Variants in ACACA observed in about 807,000 individuals in gnomAD.
ACACA encodes acetyl-CoA carboxylase alpha.
In ACACA, 103 loss-of-function variants were observed where a neutral mutation model predicts 296.1. The ratio of observed to expected loss-of-function variants is 0.35; its 90% confidence interval spans 0.30 to 0.41. The LOEUF is 0.41. Among genes scored for constraint, ACACA ranks in the 10% least tolerant of loss-of-function variants. The pLI is 1.00. For synonymous variants in ACACA, 953 were observed against 1,038.6 expected (o/e 0.92, Z 1.58); for missense variants, 1,554 against 2,989.7 (o/e 0.52, Z 11.20).
intron 1 of ACACA, among the ~76,000 whole-genome samples, chr17:37,403,999 C>G (rs1414570057): frequency 6.6e-6 from 1 of 152,186 alleles, no homozygotes; most frequent in Non-Finnish European, 1.5e-5. Context: ...TCTTGAACTA[C>G]TGGCCTCAAA....
chr17:37,192,241 C>T lies in ACACA; in HGVS notation c.4265G>A (p.Arg1422Gln), dbSNP rs561797701. 7 of 1,614,018 alleles carry T rather than the reference C, an allele frequency of 4.3e-6. No homozygotes were observed. Among genetic ancestry groups the T allele is most frequent in the South Asian group, 1.1e-5 (1 of 91,076 alleles). Residue 1422 changes from arginine to glutamine, a missense_variant, in exon 37 of 56, where the codon CGG becomes CAG. By Grantham distance (43) the Arg-to-Gln change is conservative. Coordinates refer to ENST00000616317, the MANE Select transcript of ACACA (RefSeq NM_198834.3). ...GGCAGTGAGGTCAAAATTTCTCATC[C>T]GGTTCAGCTCTAACTGGAAAGCCAG... ...PALAFQLELN[R>Q]MRNFDLTAIP... is the part of the protein sequence containing the mutation.
chr17:37,284,584 A>G (rs931495196), intron 4 of ACACA, among the ~76,000 whole-genome samples: 4 of 152,208 alleles, frequency 2.6e-5, no homozygotes, highest in Non-Finnish European at 4.4e-5. Flanking sequence ...CTGGGACTCA[A>G]AAATAACTTT....
chr17:37,273,970 T>C (rs1598376409), intron 9 of ACACA, among the ~76,000 whole-genome samples: 1 of 152,250 alleles, frequency 6.6e-6, no homozygotes, highest in South Asian at 2.1e-4. Flanking sequence ...GAATTTAGAT[T>C]GTTTACATTT....
chr17:37,162,739 C>A, intron 41 of ACACA: 2 of 214,086 alleles, frequency 9.3e-6, no homozygotes, highest in South Asian at 6.3e-5. Context: ...ATTGTCAAGT[C>A]CCGTCTCTGG....
chr17:37,375,487 A>G (rs1198978367), intron 1 of ACACA, among the ~76,000 whole-genome samples: 1 of 149,226 alleles, frequency 6.7e-6, no homozygotes, highest in Non-Finnish European at 1.5e-5. Context: ...ACTCTGCCTC[A>G]AAAAAAAAAG....
chr17:37,181,734 C>A (rs1439289657), intron 39 of ACACA, among the ~76,000 whole-genome samples: 1 of 151,590 alleles, frequency 6.6e-6, no homozygotes, highest in African/African-American at 2.4e-5. Context: ...CTTGTCTCTA[C>A]TGAAAATACA....
chr17:37,259,627 G>A (rs2081356819), intron 11 of ACACA, 97 bp from the exon 12 acceptor site: 1 of 1,366,968 alleles, frequency 7.3e-7, no homozygotes, highest in African/African-American at 1.4e-5. Context: ...GTGTGTATAA[G>A]AGCCATCAAA....
chr17:37,105,975 A>G (rs558284983), intron 52 of ACACA, among the ~76,000 whole-genome samples: 2 of 152,262 alleles, frequency 1.3e-5, no homozygotes, highest in Admixed American at 1.3e-4. Context: ...GCTCCTGAAT[A>G]TCTCAGATGT....
chr17:37,220,995 C>T (rs2079260716), intron 29 of ACACA, among the ~76,000 whole-genome samples: 1 of 152,138 alleles, frequency 6.6e-6, no homozygotes, highest in African/African-American at 2.4e-5. Context: ...AATGAAAGTA[C>T]AGGAGGGGAT....
intron 1 of ACACA, among the ~76,000 whole-genome samples, chr17:37,398,989 T>A (rs1190454774): frequency 1.3e-5 from 2 of 151,146 alleles, no homozygotes; most frequent in East Asian, 3.9e-4. Flanking sequence ...TAAATTCTTT[T>A]TTTTTTTTAG....
chr17:37,251,830 A>T (rs1374725410), intron 16 of ACACA, among the ~76,000 whole-genome samples, 175 bp downstream of exon 16: 3 of 146,574 alleles, frequency 2.0e-5, no homozygotes, highest in Admixed American at 6.8e-5. Flanking sequence ...TGACTCCCCA[A>T]ATAATTTGCC....
intron 41 of ACACA, among the ~76,000 whole-genome samples, chr17:37,173,675 A>T (rs4795175): frequency 0.13 from 19,644 of 151,832 alleles, 1,913 homozygotes; most frequent in East Asian, 0.45. Flanking sequence ...TACATTGCCA[A>T]CAATTAAAAC....
At chr17:37,240,077 G>C (rs2080315210) in intron 24 of ACACA, among the ~76,000 whole-genome samples, 1 of 152,188 alleles carries the variant, frequency 6.6e-6, no homozygotes, top group Admixed American at 6.6e-5. Flanking sequence ...GCTCTTCCTA[G>C]ATGCCTCTGG....
At position 37,181,059 on chromosome 17, in the gene ACACA, C is replaced by T. The variant is rs2077299404; in HGVS notation, c.4932+142G>A. The T allele has an allele frequency of 8.8e-6, 8 of 911,570 alleles. No homozygotes were observed. In the South Asian group the frequency reaches 1.1e-4, roughly 13 times the overall value. The allele number at this position is 911,570 out of a possible 1,614,324, so 56.5% of individuals were successfully genotyped here. On this transcript the variant is annotated intron_variant, in intron 40 of 55. Transcript: ENST00000616317. ...ATCTGAGTTGGCAGTCACCAATCCT[C>T]AAATGAAATAGAAATGAAAACAGTG...
intron 23 of ACACA, among the ~76,000 whole-genome samples, chr17:37,241,471 G>A (rs553715989): frequency 3.3e-5 from 5 of 152,234 alleles, no homozygotes; most frequent in African/African-American, 1.2e-4. Context: ...TTGGGAGGCC[G>A]AGGCGGGTGG....
intron 16 of ACACA, among the ~76,000 whole-genome samples, chr17:37,249,049 T>C (rs2080855842): frequency 6.6e-6 from 1 of 152,224 alleles, no homozygotes; most frequent in Non-Finnish European, 1.5e-5. Context: ...ACCGTCATTC[T>C]ACTTTCTAGT....
At chr17:37,146,302 T>A (rs2075803664) in intron 45 of ACACA, among the ~76,000 whole-genome samples, 2 of 151,968 alleles carry the variant, frequency 1.3e-5, no homozygotes, top group Non-Finnish European at 2.9e-5. Context: ...AAGTTGAAAA[T>A]GCATGTCTCT....
chr17:37,257,384 C>T (rs1261735763), intron 14 of ACACA, among the ~76,000 whole-genome samples: 2 of 152,048 alleles, frequency 1.3e-5, no homozygotes, highest in East Asian at 3.8e-4. Context: ...AAGAATCTAC[C>T]TCCCCTCAAT....
At chr17:37,330,014 A>C (rs1259445830) in intron 3 of ACACA, among the ~76,000 whole-genome samples, 159 bp downstream of exon 3, 1 of 152,208 alleles carries the variant, frequency 6.6e-6, no homozygotes, top group East Asian at 1.9e-4. Context: ...TGATTTCTGA[A>C]AAATACATCA....
Sources: gnomAD v4.1 joint callset for allele counts (sites outside exome capture counted in the v4.1 genomes callset) on GRCh38, gnomAD v4.1.1 for gene constraint, MANE v1.5 for transcripts, NCBI Gene and HGNC (gene_info 2026-07-23, HGNC 2026-07-21) for gene names.